ASIC4: variants seen among roughly 807,000 people sequenced by gnomAD.
ASIC4 encodes acid sensing ion channel subunit family member 4, also known as acid-sensing ion channel 4.
Under a neutral mutation model 53.4 loss-of-function variants are expected in ASIC4, and 28 were observed. The ratio of observed to expected loss-of-function variants is 0.52; its 90% confidence interval spans 0.39 to 0.72. ASIC4 has a LOEUF of 0.72. Ranked by LOEUF, ASIC4 falls within the 30% of genes least tolerant of loss-of-function variation. The probability of loss-of-function intolerance (pLI) is 0.00; values close to 1 mark genes in which losing one functional copy is unlikely to be tolerated. For synonymous variants in ASIC4, 289 were observed against 301.4 expected (o/e 0.96, Z 0.43); for missense variants, 649 against 729.7 (o/e 0.89, Z 1.27).
upstream of ASIC4, among the ~76,000 whole-genome samples, chr2:219,513,216 A>G (rs1413541773): frequency 1.3e-5 from 2 of 149,476 alleles, no homozygotes; most frequent in Non-Finnish European, 3.0e-5. Context: ...GCTGCTCATT[A>G]GCGCCCCGAT....
intron 1 of ASIC4, among the ~76,000 whole-genome samples, chr2:219,520,299 C>G (rs934771393): frequency 3.3e-5 from 5 of 152,138 alleles, no homozygotes; most frequent in African/African-American, 1.2e-4. Flanking sequence ...CTGCCCTCCT[C>G]TCTCCTCTCC....
chr2:219,535,608 T>A (rs1445538379), intron 6 of ASIC4, among the ~76,000 whole-genome samples: 3 of 151,272 alleles, frequency 2.0e-5, no homozygotes, highest in African/African-American at 7.3e-5. Context: ...AATGGGTATG[T>A]GTGTGAGAGA....
chr2:219,508,029 C>T, the ASIC4 span, among the ~76,000 whole-genome samples: 2 of 94,618 alleles, frequency 2.1e-5, no homozygotes, highest in African/African-American at 8.2e-5. Flanking sequence ...ATGTAGGGAA[C>T]GATCTACACA....
At chr2:219,535,029 G>A in intron 5 of ASIC4, 142 bp from the exon 6 acceptor site, 3 of 1,259,760 alleles carry the variant, frequency 2.4e-6, no homozygotes, top group Non-Finnish European at 3.3e-6. Flanking sequence ...TCCCCTCTAG[G>A]AAGCACTGGG....
rs1218306574 is a variant in ASIC4, at chr2:219,514,558, G to A, written c.-167G>A. 6.4e-7 allele frequency: 1 copy of A among 1,566,460 alleles called. No homozygotes were observed. Among genetic ancestry groups the A allele is most frequent in the Non-Finnish European group, 8.7e-7 (1 of 1,155,976 alleles). On this transcript the variant is annotated 5_prime_UTR_variant, in exon 1 of 10. It adds an upstream start codon to the 5' untranslated region. Transcript: ENST00000358078. ...GGCTGCGGAGCTGCTGGGAGTGGGA[G>A]TGACTCCCCCACCTCGGGCCCCCAC...
chr2:219,518,049 C>T lies in ASIC4; in HGVS notation c.582+2743C>T, dbSNP rs912086530. ...CTGTTACCACTGCAATCGCTCTCCC[C>T]CCACGCTCCCTAATATCCCTTCATG... On this transcript the variant is annotated intron_variant, in intron 1 of 9. Coordinates refer to ENST00000358078, the MANE Select transcript of ASIC4 (RefSeq NM_018674.6). This position sits in a 1 kb window ranked among gnomAD's most constrained non-coding sequence, Gnocchi z 4.8. Among the ~76,000 whole-genome samples, 1 of 152,116 alleles carries T rather than the reference C, an allele frequency of 6.6e-6. No homozygotes were observed. The highest frequency in any genetic ancestry group is 1.5e-5 in the Non-Finnish European group (1 of 68,022).
At position 219,532,665 on chromosome 2, in the gene ASIC4, C is replaced by T. The variant is rs78295564; in HGVS notation, c.1018+188C>T. 1,444 of 869,504 alleles carry T rather than the reference C, an allele frequency of 1.7e-3. 3 individuals carry two copies. The highest frequency in any genetic ancestry group is 2.0e-3 in the Non-Finnish European group (1,185 of 578,848). 53.9% of individuals were successfully genotyped at this position (869,504 alleles called of 1,614,324 possible). On this transcript the variant is annotated intron_variant, in intron 4 of 9. Transcript: ENST00000358078. ...TCACATATGCATGTGGGAATGCCGG[C>T]ATGCAGATGCCTGTGTGCATGTTAA...
In ASIC4 at chr2:219,537,267, G is replaced by A; in HGVS notation, c.1347G>A (p.Leu449=). ...LLGDLGGQMG[L]FIGASILTLL... ...GAGACCTCGGGGGACAGATGGGCCT[G>A]TTCATTGGGGCCAGCATCCTCACGT... The change falls in exon 8 of 10, where the codon CTG becomes CTA. Residue 449 remains leucine, a synonymous_variant. Transcript: ENST00000358078. The surrounding 1 kb of genome is among the most constrained non-coding windows in gnomAD (Gnocchi z 4.9). 1 of 1,613,818 alleles carries A rather than the reference G, an allele frequency of 6.2e-7. No homozygotes were observed. The highest frequency in any genetic ancestry group is 2.2e-5 in the East Asian group (1 of 44,870).
rs763693601 is a variant in ASIC4, at chr2:219,537,181, AGCTT to A, written c.1321+26_1321+29del. 2.5e-6 allele frequency: 4 copies of A among 1,612,792 alleles called. No individual in the cohort carries two copies. The highest frequency in any genetic ancestry group is 3.4e-6 in the Non-Finnish European group (4 of 1,179,106). On this transcript the variant is annotated intron_variant, in intron 7 of 9. Coordinates refer to ENST00000358078, the MANE Select transcript of ASIC4 (RefSeq NM_018674.6). This position sits in a 1 kb window ranked among gnomAD's most constrained non-coding sequence, Gnocchi z 4.9. ...GGGTGAGACTGGTGTCCCTGCCCCC[AGCTT>A]GTGTGGGGGTGGATCGGCCCGGCCG... is the stretch of plus-strand genomic sequence containing the variant.
upstream of ASIC4, among the ~76,000 whole-genome samples, chr2:219,510,451 G>A (rs571686398): frequency 1.1e-4 from 17 of 152,200 alleles, no homozygotes; most frequent in East Asian, 2.7e-3. This position sits in a 1 kb window ranked among gnomAD's most constrained non-coding sequence, Gnocchi z 5.2. Context: ...CCTCAGCTCC[G>A]AGGTTGTCGG....
intron 5 of ASIC4, chr2:219,533,415 G>GTTT: frequency 5.4e-6 from 1 of 184,878 alleles, no homozygotes; most frequent in South Asian, 1.3e-4. Context: ...GGAGGTGAGA[G>GTTT]TGGGGGCGAC....
chr2:219,526,179 GAT>G (rs1485230007), intron 1 of ASIC4, among the ~76,000 whole-genome samples: 1 of 144,268 alleles, frequency 6.9e-6, no homozygotes, highest in African/African-American at 2.5e-5. Flanking sequence ...GCTGTGAATA[GAT>G]AGAGTTCCGA....
intron 4 of ASIC4, 114 bp from the exon 5 acceptor site, chr2:219,532,769 C>T: frequency 3.7e-6 from 4 of 1,087,232 alleles, no homozygotes; most frequent in Non-Finnish European, 4.1e-6. Context: ...TGTTCAAGCA[C>T]ATTTATGCAA....
In ASIC4 at chr2:219,515,179, C is replaced by T. The variant is rs770046746; in HGVS notation, c.455C>T (p.Ala152Val). The T allele has an allele frequency of 7.4e-6, 12 of 1,614,092 alleles. No individual in the cohort carries two copies. The highest frequency in any genetic ancestry group is 3.3e-5 in the Admixed American group (2 of 60,014). Residue 152 changes from alanine to valine, a missense_variant, in exon 1 of 10, where the codon GCG becomes GTG. By Grantham distance (64) the Ala-to-Val change is moderately conservative (BLOSUM62 0). Coordinates refer to ENST00000358078, the MANE Select transcript of ASIC4 (RefSeq NM_018674.6). Reference sequence around the variant, plus strand: ...CCCAAAGACCGGGATGGGCACCGTGCGGCTGGCCTGCGCTACCCAGAGCCT... The same window carrying T: ...CCCAAAGACCGGGATGGGCACCGTGTGGCTGGCCTGCGCTACCCAGAGCCT... ...LPPKDRDGHR[A>V]AGLRYPEPDM...
At chr2:219,535,444 T>A (rs1276301536) in intron 6 of ASIC4, 120 bp downstream of exon 6, 1 of 1,189,382 alleles carries the variant, frequency 8.4e-7, no homozygotes, top group African/African-American at 1.6e-5. Context: ...TGTTTGTGTG[T>A]ATGTGGGTGT....
chr2:219,531,745 C>A lies in ASIC4; in HGVS notation c.583-13C>A. The A allele has an allele frequency of 6.4e-7, 1 of 1,563,490 alleles. No homozygotes were observed. ...TTTCATCTCCCCTCCTGCTCTCTCA[C>A]CCCACCTCCCAGGTCTATACTCGCT... On this transcript the variant is annotated splice_polypyrimidine_tract_variant and intron_variant, in intron 1 of 9. Coordinates refer to ENST00000358078, the MANE Select transcript of ASIC4 (RefSeq NM_018674.6).
upstream of ASIC4, among the ~76,000 whole-genome samples, chr2:219,513,658 T>TC (rs1270336930): frequency 1.3e-5 from 2 of 151,970 alleles, no homozygotes; most frequent in African/African-American, 2.4e-5. Context: ...CCAACAGCCC[T>TC]CCCCCGAAGC....
intron 1 of ASIC4, among the ~76,000 whole-genome samples, chr2:219,520,089 C>CG (rs1248975236): frequency 2.6e-5 from 4 of 152,074 alleles, no homozygotes; most frequent in South Asian, 4.1e-4. Flanking sequence ...CAGGCAGCCC[C>CG]GGGGGGCCAG....
At position 219,532,041 on chromosome 2, in the gene ASIC4, C is replaced by T. The variant is rs770276072; in HGVS notation, c.768C>T (p.His256=). ...SFEAGIRVQI[H]SQEEPPYIHQ... is the part of the protein sequence containing the mutation. ...AGGCAGGTATTCGGGTGCAGATCCACAGCCAGGAGGAGCCGCCCTACATCC... is the reference window on the plus strand; with the variant it reads ...AGGCAGGTATTCGGGTGCAGATCCATAGCCAGGAGGAGCCGCCCTACATCC... The change falls in exon 3 of 10, where the codon CAC becomes CAT. Residue 256 remains histidine (H), a synonymous_variant. Coordinates refer to ENST00000358078, the MANE Select transcript of ASIC4 (RefSeq NM_018674.6). The T allele has an allele frequency of 1.2e-6, 2 of 1,614,142 alleles. No individual in the cohort carries two copies. Among genetic ancestry groups the T allele is most frequent in the Admixed American group, 3.3e-5 (2 of 60,016 alleles).
Sources: allele counts gnomAD v4.1 joint callset (sites outside exome capture counted in the v4.1 genomes callset), GRCh38; gene constraint gnomAD v4.1.1; non-coding constraint Gnocchi (gnomAD v3.1); transcripts MANE v1.5; gene names NCBI Gene and HGNC (gene_info 2026-07-23, HGNC 2026-07-21).